The following ARHGEF6 variants were observed in gnomAD, a reference collection of about 807,000 sequenced individuals.
The protein encoded by ARHGEF6 is rho guanine nucleotide exchange factor 6.
In ARHGEF6, 9 loss-of-function variants were observed where a neutral mutation model predicts 70.3. The ratio of observed to expected loss-of-function variants is 0.13; its 90% CI spans 0.08 to 0.22. ARHGEF6 has a LOEUF of 0.22. ARHGEF6 is among the 10% of genes least tolerant of loss of function. ARHGEF6 has a pLI of 1.00. For missense variants in ARHGEF6, 470 were observed against 563.0 expected, an observed-to-expected ratio of 0.83 and a Z score of 1.67; for synonymous variants, 201 against 207.8, an observed-to-expected ratio of 0.97 and a Z score of 0.28.
Position 136,743,675 on chromosome X carries a change from G to A in ARHGEF6, c.571C>T (p.Arg191Ter). 1 of 1,211,196 alleles carries A rather than the reference G, an allele frequency of 8.3e-7. No individual in the cohort carries two copies. The highest frequency in any genetic ancestry group is 1.1e-6 in the Non-Finnish European group (1 of 895,055). ...TCCCACCAGCCTCCTTCTTCAACTCGTGTGACGTAAATGATGTCCCCCTTA... is the reference window on the plus strand; with the variant it reads ...TCCCACCAGCCTCCTTCTTCAACTCATGTGACGTAAATGATGTCCCCCTTA... ...VCKGDIIYVT[R>*]VEEGGWWEGT... is the part of the protein sequence containing the mutation. Residue 191 changes from arginine to a stop codon, truncating the protein, a stop_gained, in exon 5 of 22, where the codon CGA becomes TGA. Coordinates refer to ENST00000250617, the MANE Select transcript of ARHGEF6 (RefSeq NM_004840.3). LOFTEE classifies it high-confidence loss of function.
chrX:136,687,849 G>A (rs745395070), intron 11 of ARHGEF6, 83 bp downstream of exon 11: 17 of 824,789 alleles, frequency 2.1e-5, no homozygotes, highest in Non-Finnish European at 2.9e-5. Context: ...CCTTTGTATA[G>A]GGAAAGAAAT....
intron 18 of ARHGEF6, among the ~76,000 whole-genome samples, chrX:136,675,610 G>A (rs1311696766): frequency 9.1e-6 from 1 of 110,132 alleles, no homozygotes; most frequent in Non-Finnish European, 1.9e-5. Flanking sequence ...CCGCCTCCCG[G>A]GTTCACGCCA....
chrX:136,689,979 T>C (rs979996729), intron 10 of ARHGEF6, among the ~76,000 whole-genome samples: 5 of 112,154 alleles, frequency 4.5e-5, no homozygotes, highest in African/African-American at 1.6e-4. Flanking sequence ...GAAAAGATTA[T>C]AGCTATGCTA....
intron 2 of ARHGEF6, among the ~76,000 whole-genome samples, chrX:136,754,238 A>G (rs2077181298): frequency 9.0e-6 from 1 of 111,423 alleles, no homozygotes. Flanking sequence ...ATGAAGAACA[A>G]TATAGGCATC....
chrX:136,747,384 G>T (rs947377408), intron 3 of ARHGEF6, 124 bp downstream of exon 3: 75 of 582,595 alleles, frequency 1.3e-4, no homozygotes, highest in Non-Finnish European at 1.8e-5. Context: ...GGGTGTATTT[G>T]GGGGAGCAAG....
Position 136,685,741 on chromosome X carries a change from T to C in ARHGEF6, c.1328A>G (p.Asp443Gly). 8.3e-7 allele frequency: 1 copy of C among 1,210,858 alleles called. No individual in the cohort carries two copies. The highest frequency in any genetic ancestry group is 1.1e-6 in the Non-Finnish European group (1 of 894,665). The stretch of plus-strand genomic sequence containing the variant: ...AATCACATTTCCCAAGTTTTTAATA[T>C]CTTCTCCTTCCCATGCCTGAATAGG... ...SEPIQAWEGEDIKNLGNVIFM... is the reference protein window; with the variant it reads ...SEPIQAWEGEGIKNLGNVIFM... The change falls in exon 12 of 22, where the codon GAT becomes GGT. Residue 443 changes from aspartate (D) to glycine (G), a missense_variant. Physicochemically the swap from Asp to Gly is moderately conservative, Grantham distance 94. Transcript: ENST00000250617.
At chrX:136,692,923 T>C (rs1341523103) in intron 9 of ARHGEF6, among the ~76,000 whole-genome samples, 6 of 112,248 alleles carry the variant, frequency 5.3e-5, no homozygotes, top group Non-Finnish European at 1.1e-4. Flanking sequence ...GGAAATTCAA[T>C]TGATGTTCAA....
intron 7 of ARHGEF6, among the ~76,000 whole-genome samples, chrX:136,709,269 A>ATTTG (rs34595008): frequency 0.35 from 38,797 of 109,892 alleles, 5,876 homozygotes; most frequent in East Asian, 0.66. Context: ...AATAGTATTG[A>ATTTG]TTTGTTTGTT....
chrX:136,743,038 T>G (rs1233517864), intron 5 of ARHGEF6, among the ~76,000 whole-genome samples: 2 of 111,903 alleles, frequency 1.8e-5, no homozygotes, highest in Non-Finnish European at 3.8e-5. Context: ...GATTTCATTC[T>G]CTGGCTATTG....
At chrX:136,732,288 T>A in intron 5 of ARHGEF6, 116 bp from the exon 6 acceptor site, 1 of 584,962 alleles carries the variant, frequency 1.7e-6, no homozygotes, top group Non-Finnish European at 2.9e-6. Flanking sequence ...AATGGAAATG[T>A]ACATTCCTAA....
intron 6 of ARHGEF6, among the ~76,000 whole-genome samples, chrX:136,721,329 G>A (rs1262965031): frequency 8.9e-6 from 1 of 111,757 alleles, no homozygotes; most frequent in African/African-American, 3.3e-5. Flanking sequence ...TTGGGAGGCT[G>A]GGGAGAGCAG....
intron 10 of ARHGEF6, among the ~76,000 whole-genome samples, chrX:136,688,537 T>C (rs2076427240): frequency 9.1e-6 from 1 of 110,324 alleles, no homozygotes; most frequent in Admixed American, 9.7e-5. Flanking sequence ...TGCATGCCTA[T>C]AGTCCCAGCT....
chrX:136,731,686 T>C (rs991688621), intron 6 of ARHGEF6, among the ~76,000 whole-genome samples: 1 of 112,460 alleles, frequency 8.9e-6, no homozygotes, highest in Non-Finnish European at 1.9e-5. Flanking sequence ...TTCCAGACGA[T>C]ATAATAATGA....
At chrX:136,727,395 T>TCTC (rs2076875302) in intron 6 of ARHGEF6, among the ~76,000 whole-genome samples, 26 of 53,601 alleles carry the variant, frequency 4.9e-4, no homozygotes, top group Admixed American at 8.0e-4. Context: ...CTTTCTTTCT[T>TCTC]TCTCTCTCTC....
intron 6 of ARHGEF6, among the ~76,000 whole-genome samples, chrX:136,723,020 A>G (rs2076815562): frequency 8.9e-6 from 1 of 112,818 alleles, no homozygotes; most frequent in Admixed American, 9.4e-5. Flanking sequence ...TGAAAATATT[A>G]TGCTAAGTGA....
At chrX:136,688,421 G>A (rs922918080) in intron 10 of ARHGEF6, among the ~76,000 whole-genome samples, 7 of 109,933 alleles carry the variant, frequency 6.4e-5, no homozygotes, top group African/African-American at 2.0e-4. Flanking sequence ...ATAATTATTC[G>A]GGGTACATCA....
chrX:136,679,824 T>A (rs754319329), intron 15 of ARHGEF6, among the ~76,000 whole-genome samples, 164 bp from the exon 16 acceptor site: 2 of 112,410 alleles, frequency 1.8e-5, no homozygotes, highest in East Asian at 5.6e-4. Flanking sequence ...TTCTTTCCAG[T>A]CCAGATTATC....
At chrX:136,698,142 G>A (rs2076531111) in intron 9 of ARHGEF6, among the ~76,000 whole-genome samples, 1 of 111,299 alleles carries the variant, frequency 9.0e-6, no homozygotes, top group African/African-American at 3.3e-5. Context: ...TCATTAGAGG[G>A]GCTCAACAGC....
intron 17 of ARHGEF6, 146 bp downstream of exon 17, chrX:136,677,790 A>G: frequency 2.2e-6 from 1 of 448,100 alleles, no homozygotes; most frequent in Non-Finnish European, 3.9e-6. Context: ...TGAACAAAGT[A>G]CTTACATGTC....
Sources: allele counts gnomAD v4.1 joint callset (sites outside exome capture counted in the v4.1 genomes callset), GRCh38; gene constraint gnomAD v4.1.1; transcripts MANE v1.5; gene names NCBI Gene and HGNC (gene_info 2026-07-23, HGNC 2026-07-21).